The following CHP1 variants were observed in gnomAD, a reference collection of about 807,000 sequenced individuals.
CHP1 encodes the protein calcineurin B homologous protein 1.
A neutral mutation model predicts 27.4 loss-of-function variants in CHP1; 11 were observed. The observed-to-expected ratio is 0.40, with a 90% confidence interval of 0.25 to 0.67. The LOEUF (loss-of-function observed/expected upper bound fraction) is 0.67. Among genes scored for constraint, CHP1 ranks in the 30% least tolerant of loss-of-function variants. The pLI is 0.38. For synonymous variants in CHP1, 89 were observed against 87.4 expected (o/e 1.02, Z -0.10); for missense variants, 169 against 251.3 (o/e 0.67, Z 2.22).
At chr15:41,251,136 G>A (rs569088889) in intron 2 of CHP1, among the ~76,000 whole-genome samples, 1 of 152,114 alleles carries the variant, frequency 6.6e-6, no homozygotes, top group East Asian at 1.9e-4. Context: ...CTGGCCCAGA[G>A]GATGTTTTTA....
intron 2 of CHP1, among the ~76,000 whole-genome samples, chr15:41,254,161 A>G (rs1350344498): frequency 6.6e-6 from 1 of 152,120 alleles, no homozygotes; most frequent in Non-Finnish European, 1.5e-5. Context: ...ACTACATTAT[A>G]TATACAATCT....
rs576000387 is a variant in CHP1 at position 41,266,519 on chromosome 15, A to G, written c.349+3636A>G. Among the ~76,000 whole-genome samples the G allele has an allele frequency of 2.0e-5, 3 of 152,288 alleles. No individual in the cohort carries two copies. The East Asian group carries it at 5.8e-4, about 29-fold the overall frequency. ...TAATGATGTGGAAAGTAAAGAGTCT[A>G]CATTAGAATATTTTTCTTGGGTGTT... On this transcript the variant is annotated intron_variant, in intron 4 of 6. Coordinates refer to ENST00000334660, the MANE Select transcript of CHP1 (RefSeq NM_007236.5).
chr15:41,243,227 G>T (rs2047316098), intron 1 of CHP1, among the ~76,000 whole-genome samples: 1 of 152,134 alleles, frequency 6.6e-6, no homozygotes, highest in Admixed American at 6.5e-5. Context: ...TGTAATCCCA[G>T]CTACTCGGGA....
At chr15:41,236,999 T>G (rs1462345407) in intron 1 of CHP1, among the ~76,000 whole-genome samples, 8 of 135,012 alleles carry the variant, frequency 5.9e-5, no homozygotes, top group Admixed American at 1.5e-4. Flanking sequence ...CTGGCTAATT[T>G]TTTGTATTTT....
At chr15:41,255,309 A>T (rs895749388) in intron 2 of CHP1, among the ~76,000 whole-genome samples, 1 of 152,202 alleles carries the variant, frequency 6.6e-6, no homozygotes, top group Non-Finnish European at 1.5e-5. Flanking sequence ...TGCAGCACAG[A>T]TAAGTTGTAG....
chr15:41,247,255 G>C (rs1485890036), intron 2 of CHP1, among the ~76,000 whole-genome samples: 4 of 152,068 alleles, frequency 2.6e-5, no homozygotes, highest in Non-Finnish European at 5.9e-5. Context: ...TGGAATTCCA[G>C]GTACTTGGGA....
chr15:41,250,660 CAAA>C (rs11288125), intron 2 of CHP1, among the ~76,000 whole-genome samples: 2 of 124,630 alleles, frequency 1.6e-5, no homozygotes, highest in Non-Finnish European at 1.8e-5. Context: ...GGTTTCTTAC[CAAA>C]AAAAAAAAAA....
intron 5 of CHP1, among the ~76,000 whole-genome samples, chr15:41,274,790 G>GTTTTTTTTTTTTTTTTTT (rs34053067): frequency 8.3e-6 from 1 of 120,752 alleles, no homozygotes; most frequent in Non-Finnish European, 1.7e-5. Flanking sequence ...CATTGTCTTT[G>GTTTTTTTTTTTTTTTTTT]TTTTTTTTTT....
Position 41,272,822 on chromosome 15 carries a change from G to T in CHP1, c.411+2204G>T, listed in dbSNP as rs1462272827. On this transcript the variant is annotated intron_variant, in intron 5 of 6. Coordinates refer to ENST00000334660, the MANE Select transcript of CHP1 (RefSeq NM_007236.5). ...CCAGCACTTTTGGAGGCCGAGGCAG[G>T]TGGATCCCGAGGTCAGGAGATCGAG... is the stretch of plus-strand genomic sequence containing the variant. Among the ~76,000 whole-genome samples, 3 of 152,144 alleles carry T rather than the reference G, an allele frequency of 2.0e-5. No individual in the cohort carries two copies. In the East Asian group the frequency reaches 5.8e-4, roughly 29 times the overall value.
At chr15:41,238,185 TCTCA>T (rs1165765050) in intron 1 of CHP1, among the ~76,000 whole-genome samples, 1 of 151,682 alleles carries the variant, frequency 6.6e-6, no homozygotes, top group Non-Finnish European at 1.5e-5. Flanking sequence ...TGAGACAGGG[TCTCA>T]CTCTGTCACC....
intron 5 of CHP1, among the ~76,000 whole-genome samples, chr15:41,277,375 G>A (rs2047524388): frequency 6.6e-6 from 1 of 152,214 alleles, no homozygotes; most frequent in East Asian, 1.9e-4. Context: ...TGGGCATGGT[G>A]GCTCACGCCT....
At chr15:41,232,559 C>A (rs1423121151) in intron 1 of CHP1, among the ~76,000 whole-genome samples, 1 of 151,866 alleles carries the variant, frequency 6.6e-6, no homozygotes, top group African/African-American at 2.4e-5. Flanking sequence ...TTAGTCTGAA[C>A]AAAGGAGCAA....
At chr15:41,262,185 C>A (rs1325058405) in intron 3 of CHP1, among the ~76,000 whole-genome samples, 1 of 151,596 alleles carries the variant, frequency 6.6e-6, no homozygotes. Context: ...TAAAGCAAGA[C>A]TTTATTTATT....
Position 41,262,895 on chromosome 15 carries a change from A to G in CHP1, c.349+12A>G. The G allele has an allele frequency of 6.2e-7, 1 of 1,612,544 alleles. No individual in the cohort carries two copies. Among genetic ancestry groups the G allele is most frequent in the Non-Finnish European group, 8.5e-7 (1 of 1,179,428 alleles). On this transcript the variant is annotated intron_variant, in intron 4 of 6. Transcript: ENST00000334660. ...CAACAAACTGCACTGTAAGGAGCTA[A>G]AGTCTTCTGGCTTAAAATACTTGCT... is the stretch of plus-strand genomic sequence containing the variant.
chr15:41,272,761 A>G (rs1398664348), intron 5 of CHP1, among the ~76,000 whole-genome samples: 1 of 151,372 alleles, frequency 6.6e-6, no homozygotes, highest in Non-Finnish European at 1.5e-5. Flanking sequence ...AGAAAAGAAA[A>G]TTAGGGGCCA....
In CHP1 at chr15:41,280,560, G is replaced by C. The variant is rs1263598180; in HGVS notation, c.*1171G>C. ...GACAGAGTCTTGCTCTGTCACCCAG[G>C]CTGGAGTGCAGTGGTGCGATCGCTC... On this transcript the variant is annotated 3_prime_UTR_variant, in exon 7 of 7. Coordinates refer to ENST00000334660, the MANE Select transcript of CHP1 (RefSeq NM_007236.5). 1 of 135,470 alleles carries C rather than the reference G, an allele frequency of 7.4e-6. No homozygotes were observed. Among genetic ancestry groups the C allele is most frequent in the Non-Finnish European group, 1.5e-5 (1 of 65,228 alleles). The allele number at this position is 135,470 out of a possible 1,614,324, so 8.4% of individuals were successfully genotyped here.
intron 6 of CHP1, 57 bp from the exon 7 acceptor site, chr15:41,279,279 C>T (rs1247709486): frequency 1.5e-5 from 20 of 1,343,216 alleles, no homozygotes; most frequent in Non-Finnish European, 2.1e-5. Flanking sequence ...CAGATAAGAG[C>T]TTGGGAGTGT....
chr15:41,232,638 TA>T (rs1376088935), intron 1 of CHP1, among the ~76,000 whole-genome samples: 1 of 152,190 alleles, frequency 6.6e-6, no homozygotes, highest in Non-Finnish European at 1.5e-5. Context: ...TAATGCAATG[TA>T]TGATACAATT....
intron 4 of CHP1, among the ~76,000 whole-genome samples, chr15:41,270,290 G>A (rs2047482224): frequency 6.6e-6 from 1 of 151,966 alleles, no homozygotes; most frequent in Non-Finnish European, 1.5e-5. Context: ...TAACATTCTA[G>A]GTTAAGAAAA....
Sources: gnomAD v4.1 joint callset for allele counts (sites outside exome capture counted in the v4.1 genomes callset) on GRCh38, gnomAD v4.1.1 for gene constraint, MANE v1.5 for transcripts, NCBI Gene and HGNC (gene_info 2026-07-23, HGNC 2026-07-21) for gene names.